NIBAN1: variants seen among roughly 807,000 people sequenced by gnomAD.
The protein encoded by NIBAN1 is protein Niban 1.
In NIBAN1, 81 loss-of-function variants were observed where a neutral mutation model predicts 75.1. The ratio of observed to expected loss-of-function variants is 1.08; its 90% CI spans 0.90 to 1.30. The LOEUF (loss-of-function observed/expected upper bound fraction) is 1.30, where lower values mean the gene tolerates loss of function less well. Ranked by LOEUF, NIBAN1 falls within the 50% of genes most tolerant of loss-of-function variation. NIBAN1 has a pLI of 0.00. For missense variants in NIBAN1, 1,133 were observed against 1,128.1 expected (o/e 1.00, Z -0.06); for synonymous variants, 436 against 424.8 (o/e 1.03, Z -0.32).
At chr1:184,879,261 T>C (rs1214685799) in intron 5 of NIBAN1, among the ~76,000 whole-genome samples, 4 of 152,212 alleles carry the variant, frequency 2.6e-5, no homozygotes, top group Non-Finnish European at 5.9e-5. Context: ...TTCAAAGATA[T>C]GTTCATGACA....
intron 5 of NIBAN1, among the ~76,000 whole-genome samples, chr1:184,858,839 A>G (rs1236279354): frequency 1.3e-5 from 2 of 152,206 alleles, no homozygotes; most frequent in East Asian, 3.8e-4. Context: ...AGAATATTAT[A>G]TAGCTGCTAA....
chr1:184,918,599 C>A (rs1657452574), intron 1 of NIBAN1, among the ~76,000 whole-genome samples: 1 of 152,184 alleles, frequency 6.6e-6, no homozygotes, highest in East Asian at 1.9e-4. Flanking sequence ...CAGATAAATT[C>A]CTATTCATCT....
intron 1 of NIBAN1, among the ~76,000 whole-genome samples, chr1:184,958,996 A>T (rs1346958393): frequency 2.6e-5 from 4 of 152,228 alleles, no homozygotes; most frequent in Admixed American, 2.6e-4. Flanking sequence ...CTTTAAACAA[A>T]CGCATTCAAT....
chr1:184,796,917 G>A (rs749128528), intron 13 of NIBAN1, among the ~76,000 whole-genome samples: 3 of 152,214 alleles, frequency 2.0e-5, no homozygotes, highest in Non-Finnish European at 4.4e-5. Context: ...AGTGCCCATG[G>A]TGGGCTGGCA....
At position 184,803,621 on chromosome 1, in the gene NIBAN1, G is replaced by A; in HGVS notation, c.1518C>T (p.Pro506=). 6.2e-7 allele frequency: 1 copy of A among 1,614,160 alleles called. No homozygotes were observed. The highest frequency in any genetic ancestry group is 8.5e-7 in the Non-Finnish European group (1 of 1,180,012). ...TGGACGCCAGTGCCTTCTGCACAGT[G>A]GGAAGTGTGATTTGAACTAGTGCCT... ...FQEALVQITL[P]TVQKALASTC... is the part of the protein sequence containing the mutation. Residue 506 remains proline (P), a synonymous_variant, in exon 12 of 14, where the codon CCC becomes CCT. Transcript: ENST00000367511.
chr1:184,910,014 A>G (rs929076698), intron 1 of NIBAN1, among the ~76,000 whole-genome samples: 1 of 152,188 alleles, frequency 6.6e-6, no homozygotes, highest in Non-Finnish European at 1.5e-5. Context: ...GACTATGTAG[A>G]TAGTACATTC....
At position 184,969,179 on chromosome 1, in the gene NIBAN1, A is replaced by G. The variant is rs74691760; in HGVS notation, c.55+5123T>C. Among the ~76,000 whole-genome samples the G allele has an allele frequency of 3.9e-3, 590 of 152,356 alleles. 10 individuals carry two copies. In the East Asian group the frequency reaches 0.045, roughly 12 times the overall value. ...AAATTTGGGGATTCTATCATTAAAC[A>G]TAATGGGAGAATGCTATTGTGGATA... On this transcript the variant is annotated intron_variant, in intron 1 of 13. Coordinates refer to ENST00000367511, the MANE Select transcript of NIBAN1 (RefSeq NM_052966.4).
intron 5 of NIBAN1, among the ~76,000 whole-genome samples, chr1:184,843,585 G>A (rs570489947): frequency 1.8e-4 from 27 of 152,246 alleles, no homozygotes; most frequent in East Asian, 1.7e-3. Flanking sequence ...CATAGCCACC[G>A]GAGCAAAGTC....
At chr1:184,932,988 A>C (rs1168091018) in intron 1 of NIBAN1, among the ~76,000 whole-genome samples, 2 of 152,222 alleles carry the variant, frequency 1.3e-5, no homozygotes, top group Non-Finnish European at 2.9e-5. Context: ...GCATAACAAA[A>C]ATCTCCTCCT....
In NIBAN1 at chr1:184,884,651, C is replaced by T. The variant is rs1276253201; in HGVS notation, c.583G>A (p.Val195Ile). ...KRFSALLSDC[V>I]RHLNHDYMKQ... ...GCCATACCATGATTGAGATGCCTGA[C>T]GCAGTCACTCAGGAGGGCACTAAAC... is the stretch of plus-strand genomic sequence containing the variant. Residue 195 changes from valine to isoleucine, a missense_variant, in exon 5 of 14, where the codon GTC becomes ATC. Transcript: ENST00000367511. 2.9e-5 allele frequency: 46 copies of T among 1,613,956 alleles called. No individual in the cohort carries two copies. The highest frequency in any genetic ancestry group is 3.6e-5 in the Non-Finnish European group (42 of 1,179,986).
rs1257469998 is a variant in NIBAN1, at chr1:184,798,062, C to A, written c.1666+17G>T. The A allele has an allele frequency of 6.5e-7, 1 of 1,541,760 alleles. No individual in the cohort carries two copies. The highest frequency in any genetic ancestry group is 1.4e-5 in the African/African-American group (1 of 73,518). On this transcript the variant is annotated intron_variant, in intron 13 of 13. Coordinates refer to ENST00000367511, the MANE Select transcript of NIBAN1 (RefSeq NM_052966.4). ...CCTCTATGGAGTGTCCCTGCAGCAC[C>A]AGGTAACCTTTCTTACCTTTCAGAG...
intron 5 of NIBAN1, among the ~76,000 whole-genome samples, chr1:184,843,007 G>C (rs1031698869): frequency 2.6e-5 from 4 of 152,152 alleles, no homozygotes; most frequent in Non-Finnish European, 5.9e-5. Context: ...GTTACAAAAG[G>C]TCTACTCTGT....
At chr1:184,883,849 T>C (rs1457183404) in intron 5 of NIBAN1, among the ~76,000 whole-genome samples, 1 of 152,166 alleles carries the variant, frequency 6.6e-6, no homozygotes, top group Non-Finnish European at 1.5e-5. Context: ...AATACTAGAT[T>C]ACCACGGACC....
chr1:184,938,957 C>G (rs1022076054), intron 1 of NIBAN1, among the ~76,000 whole-genome samples: 1 of 152,114 alleles, frequency 6.6e-6, no homozygotes, highest in Non-Finnish European at 1.5e-5. Flanking sequence ...TACTTAGGGT[C>G]GGTTATGTTA....
chr1:184,835,330 G>A (rs548105977), intron 5 of NIBAN1, among the ~76,000 whole-genome samples: 193 of 152,204 alleles, frequency 1.3e-3, no homozygotes, highest in African/African-American at 4.5e-3. Flanking sequence ...ATGTGGGCTC[G>A]TTTTTGGTTC....
intron 1 of NIBAN1, among the ~76,000 whole-genome samples, chr1:184,962,877 TG>T (rs1165958448): frequency 1.3e-5 from 2 of 152,144 alleles, no homozygotes; most frequent in Non-Finnish European, 2.9e-5. Context: ...GAAAAAATAA[TG>T]TTTTTTTCCT....
intron 2 of NIBAN1, 52 bp downstream of exon 2, chr1:184,899,127 A>C (rs1386445077): frequency 6.2e-7 from 1 of 1,601,416 alleles, no homozygotes; most frequent in Non-Finnish European, 8.6e-7. Context: ...CGGCTGTGCT[A>C]TATAGCCTTC....
chr1:184,826,831 A>G (rs1266804934), intron 6 of NIBAN1, among the ~76,000 whole-genome samples: 1 of 152,094 alleles, frequency 6.6e-6, no homozygotes, highest in African/African-American at 2.4e-5. Context: ...TGCGAGGAAA[A>G]AGAGAGGGTG....
At chr1:184,814,641 C>G in intron 9 of NIBAN1, among the ~76,000 whole-genome samples, 1 of 152,200 alleles carries the variant, frequency 6.6e-6, no homozygotes, top group East Asian at 1.9e-4. Flanking sequence ...TTATGGTAAC[C>G]TAAGATTCTA....
Sources: allele counts gnomAD v4.1 joint callset (sites outside exome capture counted in the v4.1 genomes callset), GRCh38; gene constraint gnomAD v4.1.1; transcripts MANE v1.5; gene names NCBI Gene and HGNC (gene_info 2026-07-23, HGNC 2026-07-21).